Variants in TYR observed in about 807,000 individuals in gnomAD.
TYR encodes tyrosinase.
TYR carries 58 observed loss-of-function variants against 51.5 expected under a neutral mutation model. That is an observed-to-expected ratio of 1.13 (90% confidence interval 0.91 to 1.40). The LOEUF (loss-of-function observed/expected upper bound fraction) is 1.40. Among genes scored for constraint, TYR ranks in the 40% most tolerant of loss-of-function variants. TYR has a pLI of 0.00. For synonymous variants in TYR, 263 were observed against 235.2 expected (o/e 1.12, Z -1.08); for missense variants, 732 against 647.4 (o/e 1.13, Z -1.42).
chr11:89,264,202 A>T (rs189796179), intron 3 of TYR, among the ~76,000 whole-genome samples: 18 of 151,714 alleles, frequency 1.2e-4, no homozygotes, highest in East Asian at 7.8e-4. Context: ...AACCCTTTTT[A>T]AAAAAAAATT....
chr11:89,209,282 A>T (rs1943718059), intron 2 of TYR, among the ~76,000 whole-genome samples: 1 of 152,178 alleles, frequency 6.6e-6, no homozygotes, highest in Non-Finnish European at 1.5e-5. Flanking sequence ...AGACCAGGAG[A>T]TTCCCTCCCA....
intron 2 of TYR, among the ~76,000 whole-genome samples, chr11:89,204,215 G>A (rs1251747330): frequency 6.6e-6 from 1 of 152,154 alleles, no homozygotes; most frequent in Non-Finnish European, 1.5e-5. Context: ...TGGCATTAGG[G>A]GAAAGTAGTT....
chr11:89,213,274 G>A (rs1454669602), intron 2 of TYR, among the ~76,000 whole-genome samples: 2 of 152,148 alleles, frequency 1.3e-5, no homozygotes, highest in Non-Finnish European at 2.9e-5. Context: ...AAAATCACAA[G>A]CATTCCTATA....
chr11:89,190,273 A>T (rs368354340), intron 1 of TYR, among the ~76,000 whole-genome samples: 1 of 152,086 alleles, frequency 6.6e-6, no homozygotes, highest in African/African-American at 2.4e-5. Context: ...AGAGATTGTT[A>T]TAGAGATGAT....
chr11:89,216,305 A>T (rs1438894134), intron 2 of TYR, among the ~76,000 whole-genome samples: 1 of 152,146 alleles, frequency 6.6e-6, no homozygotes. Flanking sequence ...GGCTCAGATT[A>T]TTCCTTCTGA....
intron 2 of TYR, among the ~76,000 whole-genome samples, chr11:89,222,612 G>GCA (rs1410735143): frequency 6.6e-6 from 1 of 152,054 alleles, no homozygotes; most frequent in Non-Finnish European, 1.5e-5. Flanking sequence ...GCTGGCTTGT[G>GCA]CCTGTAATCC....
chr11:89,274,381 G>C (rs1590894031), intron 3 of TYR, among the ~76,000 whole-genome samples: 1 of 151,984 alleles, frequency 6.6e-6, no homozygotes, highest in East Asian at 2.0e-4. Context: ...AGTCTGGTTA[G>C]TACTTGGATG....
intron 4 of TYR, among the ~76,000 whole-genome samples, chr11:89,286,881 T>A (rs1452487405): frequency 6.6e-6 from 1 of 151,818 alleles, no homozygotes; most frequent in African/African-American, 2.4e-5. Context: ...AAAGGGAGCT[T>A]ATTGGTAACT....
intron 3 of TYR, among the ~76,000 whole-genome samples, chr11:89,235,622 G>C (rs1440218500): frequency 6.6e-6 from 1 of 152,078 alleles, no homozygotes; most frequent in Non-Finnish European, 1.5e-5. Context: ...AAAAAACTTT[G>C]AACTCGTAGG....
At chr11:89,268,783 C>T (rs1034382143) in intron 3 of TYR, among the ~76,000 whole-genome samples, 29 of 151,882 alleles carry the variant, frequency 1.9e-4, no homozygotes, top group African/African-American at 7.0e-4. Context: ...ACCTCCACCT[C>T]TCTGGGCTCA....
At chr11:89,191,118 T>C (rs1252344009) in intron 1 of TYR, 84 bp from the exon 2 acceptor site, 1 of 1,220,320 alleles carries the variant, frequency 8.2e-7, no homozygotes, top group Admixed American at 1.7e-5. Flanking sequence ...CTAACAACGA[T>C]AATTAGGAGT....
intron 3 of TYR, among the ~76,000 whole-genome samples, chr11:89,236,256 A>C (rs1282088581): frequency 6.6e-6 from 1 of 151,522 alleles, no homozygotes; most frequent in Non-Finnish European, 1.5e-5. Flanking sequence ...ACACACACAC[A>C]CCAGACAAGA....
intron 2 of TYR, among the ~76,000 whole-genome samples, chr11:89,220,291 C>A (rs373576825): frequency 2.6e-5 from 4 of 152,118 alleles, no homozygotes; most frequent in African/African-American, 7.2e-5. Context: ...GAGCAGGAGC[C>A]AGCGTGAAGG....
In TYR at chr11:89,294,896, C is replaced by A. The variant is rs183136377; in HGVS notation, c.1367-247C>A. Among the ~76,000 whole-genome samples the A allele has an allele frequency of 2.1e-3, 327 of 152,276 alleles. 1 individual carries two copies. Among genetic ancestry groups the A allele is most frequent in the African/African-American group, 7.3e-3 (304 of 41,562 alleles). On this transcript the variant is annotated intron_variant, in intron 4 of 4. Coordinates refer to ENST00000263321, the MANE Select transcript of TYR (RefSeq NM_000372.5). Reference sequence around the variant, plus strand: ...ACACTATATACCAGGCCCTGAATCACTTACGGATGTTATCTATAAAATTCA... The same window carrying A: ...ACACTATATACCAGGCCCTGAATCAATTACGGATGTTATCTATAAAATTCA...
rs1944765375 is a variant in TYR, at chr11:89,284,932, C to T, written c.1344C>T (p.Asp448=). The change falls in exon 4 of 5, where the codon GAC becomes GAT. Residue 448 remains aspartate (D), a synonymous_variant. Coordinates refer to ENST00000263321, the MANE Select transcript of TYR (RefSeq NM_000372.5). ...FFISSKDLGY[D]YSYLQDSDPD... ...TTTCATCCAAAGATCTGGGCTATGA[C>T]TATAGCTATCTACAAGATTCAGGTA... is the stretch of plus-strand genomic sequence containing the variant. 5 of 1,611,328 alleles carry T rather than the reference C, an allele frequency of 3.1e-6. No homozygotes were observed. Among genetic ancestry groups the T allele is most frequent in the Non-Finnish European group, 4.2e-6 (5 of 1,178,118 alleles).
At chr11:89,282,780 C>G (rs932251002) in intron 3 of TYR, among the ~76,000 whole-genome samples, 1 of 151,742 alleles carries the variant, frequency 6.6e-6, no homozygotes, top group African/African-American at 2.4e-5. Context: ...CTAACCATCA[C>G]TAAAGGCACT....
At chr11:89,225,841 T>G (rs775100258) in intron 2 of TYR, among the ~76,000 whole-genome samples, 1 of 151,946 alleles carries the variant, frequency 6.6e-6, no homozygotes, top group Admixed American at 6.6e-5. Flanking sequence ...ATAGCTAGAA[T>G]AGAAGATTTG....
At chr11:89,228,880 A>G (rs1011361828) in intron 3 of TYR, among the ~76,000 whole-genome samples, 2 of 152,128 alleles carry the variant, frequency 1.3e-5, no homozygotes, top group African/African-American at 4.8e-5. Context: ...AATTTTCAAG[A>G]AGAAAGGAGA....
intron 3 of TYR, among the ~76,000 whole-genome samples, chr11:89,261,083 C>A (rs1944451208): frequency 6.6e-6 from 1 of 151,986 alleles, no homozygotes; most frequent in Non-Finnish European, 1.5e-5. Context: ...TGAAACCAGC[C>A]CCTGGCACCA....
Sources: allele counts gnomAD v4.1 joint callset (sites outside exome capture counted in the v4.1 genomes callset), GRCh38; gene constraint gnomAD v4.1.1; transcripts MANE v1.5; gene names NCBI Gene and HGNC (gene_info 2026-07-23, HGNC 2026-07-21).